The following ZNHIT2 variants were observed in gnomAD, a reference collection of about 807,000 sequenced individuals.
ZNHIT2 encodes the protein zinc finger HIT-type containing 2.
In ZNHIT2, 16 loss-of-function variants were observed where a neutral mutation model predicts 18.0. The observed-to-expected ratio is 0.89, with a 90% CI of 0.60 to 1.35. The LOEUF is 1.35. ZNHIT2 is among the 40% of genes most tolerant of loss of function. The probability of loss-of-function intolerance (pLI) is 0.00; values close to 1 mark genes in which losing one functional copy is unlikely to be tolerated. For missense variants in ZNHIT2, 631 were observed against 566.4 expected (o/e 1.11, Z -1.16); for synonymous variants, 336 against 269.8 (o/e 1.25, Z -2.41).
chr11:65,116,941 G>C lies in ZNHIT2; in HGVS notation c.713C>G (p.Ser238Cys), dbSNP rs748202735. ...LYHGGDDALL[S>C]DFCATLLGVS... is the part of the protein sequence containing the mutation. Reference sequence around the variant, plus strand: ...GCCGAGCAGTGTGGCACAGAAGTCAGAGAGCAGCGCGTCGTCACCGCCGTG... The same window carrying C: ...GCCGAGCAGTGTGGCACAGAAGTCACAGAGCAGCGCGTCGTCACCGCCGTG... The change falls in exon 1 of 1, where the codon TCT becomes TGT. Residue 238 changes from serine (S) to cysteine (C), a missense_variant. Coordinates refer to ENST00000310597, the MANE Select transcript of ZNHIT2 (RefSeq NM_014205.4). 4.4e-6 allele frequency: 7 copies of C among 1,597,674 alleles called. No individual in the cohort carries two copies. Among genetic ancestry groups the C allele is most frequent in the African/African-American group, 1.3e-5 (1 of 74,778 alleles).
rs1948008130 is a variant in ZNHIT2, at chr11:65,117,571, G to A, written c.83C>T (p.Pro28Leu). 1 of 1,580,104 alleles carries A rather than the reference G, an allele frequency of 6.3e-7. No individual in the cohort carries two copies. Among genetic ancestry groups the A allele is most frequent in the Non-Finnish European group, 8.5e-7 (1 of 1,171,082 alleles). The change falls in exon 1 of 1, where the codon CCC (proline) becomes CTC (leucine). Residue 28 changes from proline to leucine, a missense_variant. Transcript: ENST00000310597. ...ARYTCPRCNAPYCSLRCYRTH... is the reference protein window; with the variant it reads ...ARYTCPRCNALYCSLRCYRTH... Reference sequence around the variant, plus strand: ...CCGGTAGCAGCGCAGCGAGCAGTAGGGCGCATTACAGCGAGGGCAGGTGTA... The same window carrying A: ...CCGGTAGCAGCGCAGCGAGCAGTAGAGCGCATTACAGCGAGGGCAGGTGTA...
chr11:65,117,363 T>A lies in ZNHIT2; in HGVS notation c.291A>T (p.Gly97=). ...CGCCCGGCGCCAGCCGCTCCCAGAG[T>A]CCCGATAGGCCGCCGGGCGCCGGGC... is the stretch of plus-strand genomic sequence containing the variant. ...SSGPAPGGLS[G]LWERLAPGEK... Residue 97 remains glycine (G), a synonymous_variant, in exon 1 of 1, where the codon GGA becomes GGT. Transcript: ENST00000310597. 6.6e-7 allele frequency: 1 copy of A among 1,508,726 alleles called. No homozygotes were observed. Among genetic ancestry groups the A allele is most frequent in the Non-Finnish European group, 8.8e-7 (1 of 1,138,216 alleles). The allele number at this position is 1,508,726 out of a possible 1,614,324, so 93.5% of individuals were successfully genotyped here. A position where few individuals can be genotyped will look rare whatever the true frequency, so the allele number is the denominator to read the frequency against.
At position 65,116,410 on chromosome 11, in the gene ZNHIT2, T is replaced by C; in HGVS notation, c.*32A>G. On this transcript the variant is annotated 3_prime_UTR_variant, in exon 1 of 1. Coordinates refer to ENST00000310597, the MANE Select transcript of ZNHIT2 (RefSeq NM_014205.4). ...AGAAACAAGCAACAGGGCTGACCAG[T>C]CACAGCTTTATTAATGACCAGGGTA... The C allele has an allele frequency of 2.0e-6, 3 of 1,508,566 alleles. No individual in the cohort carries two copies. Among genetic ancestry groups the C allele is most frequent in the Non-Finnish European group, 2.7e-6 (3 of 1,128,050 alleles). The allele number at this position is 1,508,566 out of a possible 1,614,324, so 93.4% of individuals were successfully genotyped here. A position where few individuals can be genotyped will look rare whatever the true frequency, so the allele number is the denominator to read the frequency against.
rs35178303 is a variant in ZNHIT2 at position 65,117,148 on chromosome 11, G to A, written c.506C>T (p.Ala169Val). ...GGCGGCCGCGGGCTCCGCGGCGGAGGCATCTTTCACAGAATCCGGCGGGGT... is the reference window on the plus strand; with the variant it reads ...GGCGGCCGCGGGCTCCGCGGCGGAGACATCTTTCACAGAATCCGGCGGGGT... ...ARTPPDSVKD[A>V]SAAEPAAAER... Residue 169 changes from alanine (A) to valine (V), a missense_variant, in exon 1 of 1, where the codon GCC (alanine) becomes GTC (valine). Physicochemically the swap from Ala to Val is moderately conservative, Grantham distance 64. Coordinates refer to ENST00000310597, the MANE Select transcript of ZNHIT2 (RefSeq NM_014205.4). 3.8e-6 allele frequency: 6 copies of A among 1,577,296 alleles called. No homozygotes were observed. Among genetic ancestry groups the A allele is most frequent in the Non-Finnish European group, 5.1e-6 (6 of 1,165,762 alleles).
Position 65,117,660 on chromosome 11 carries a change from T to C in ZNHIT2, c.-7A>G, listed in dbSNP as rs925573513. The C allele has an allele frequency of 3.6e-6, 5 of 1,376,384 alleles. No individual in the cohort carries two copies. Among genetic ancestry groups the C allele is most frequent in the South Asian group, 1.6e-5 (1 of 61,086 alleles). 85.3% of individuals were successfully genotyped at this position (1,376,384 alleles called of 1,614,324 possible). Reference sequence around the variant, plus strand: ...AGGGCCCGGCCGGCTCCATGGCAACTGGCACCGCGATCTACCTGCGAACGC... The same window carrying C: ...AGGGCCCGGCCGGCTCCATGGCAACCGGCACCGCGATCTACCTGCGAACGC... On this transcript the variant is annotated 5_prime_UTR_variant, in exon 1 of 1. Transcript: ENST00000310597.
Position 65,116,488 on chromosome 11 carries a change from G to A in ZNHIT2, c.1166C>T (p.Pro389Leu). Residue 389 changes from proline (P) to leucine (L), a missense_variant, in exon 1 of 1, where the codon CCC becomes CTC. By Grantham distance (98) the Pro-to-Leu change is moderately conservative. Transcript: ENST00000310597. ...TGELERLWGG[P>L]VPPAPRTLIE... The stretch of plus-strand genomic sequence containing the variant: ...GAGAGTTCTTGGGGCAGGTGGCACG[G>A]GGCCTCCCCAAAGCCGCTCCAGCTC... 1 of 1,519,130 alleles carries A rather than the reference G, an allele frequency of 6.6e-7. No individual in the cohort carries two copies. Among genetic ancestry groups the A allele is most frequent in the African/African-American group, 1.4e-5 (1 of 71,994 alleles). The allele number at this position is 1,519,130 out of a possible 1,614,324, so 94.1% of individuals were successfully genotyped here. A position where few individuals can be genotyped will look rare whatever the true frequency, so the allele number is the denominator to read the frequency against.
chr11:65,117,439 CGCAGCCGGCGTAGGGCGCTTG>C lies in ZNHIT2; in HGVS notation c.194_214del (p.Ala65_Arg72delinsGly). 6.6e-7 allele frequency: 1 copy of C among 1,507,900 alleles called. No individual in the cohort carries two copies. The highest frequency in any genetic ancestry group is 1.2e-5 in the South Asian group (1 of 80,140). The allele number at this position is 1,507,900 out of a possible 1,614,324, so 93.4% of individuals were successfully genotyped here. ...CTCGTCCTCGGTCTCGCGTTGCTGA[CGCAGCCGGCGTAGGGCGCTTG>C]CTAGGCGGCTGGGAGGAGCGCTGCA... On this transcript the variant is annotated inframe_deletion, in exon 1 of 1. Coordinates refer to ENST00000310597, the MANE Select transcript of ZNHIT2 (RefSeq NM_014205.4).
chr11:65,117,523 T>C lies in ZNHIT2; in HGVS notation c.131A>G (p.Asn44Ser), dbSNP rs770261958. 2.5e-6 allele frequency: 4 copies of C among 1,591,234 alleles called. No homozygotes were observed. The African/African-American group carries it at 5.4e-5, about 21-fold the overall frequency. Residue 44 changes from asparagine to serine, a missense_variant, in exon 1 of 1, where the codon AAC (asparagine) becomes AGC (serine). Asn to Ser is a conservative substitution (Grantham distance 46). Coordinates refer to ENST00000310597, the MANE Select transcript of ZNHIT2 (RefSeq NM_014205.4). The stretch of plus-strand genomic sequence containing the variant: ...TCCCAGCACCTGGTCACGGTAGAAG[T>C]TTTCTGCGCAGGTGCCATGCGTCCG... ...CYRTHGTCAE[N>S]FYRDQVLGEL...
At position 65,116,866 on chromosome 11, in the gene ZNHIT2, G is replaced by A. The variant is rs774480766; in HGVS notation, c.788C>T (p.Ala263Val). ...CAGCACGTGGGCTGCCGCCTGCAGG[G>A]CTTCTTCCGCAGAGGCGAAGACTTG... Reference protein sequence around the residue: ...AQQVFASAEEALQAAAHVLEA... With the variant: ...AQQVFASAEEVLQAAAHVLEA... Residue 263 changes from alanine to valine, a missense_variant, in exon 1 of 1, where the codon GCC becomes GTC. Transcript: ENST00000310597. 3.7e-6 allele frequency: 6 copies of A among 1,604,060 alleles called. No homozygotes were observed. Among genetic ancestry groups the A allele is most frequent in the Non-Finnish European group, 4.2e-6 (5 of 1,178,660 alleles).
Position 65,116,745 on chromosome 11 carries a change from T to G in ZNHIT2, c.909A>C (p.Lys303Asn). The change falls in exon 1 of 1, where the codon AAA becomes AAC. Residue 303 changes from lysine (K) to asparagine (N), a missense_variant. Coordinates refer to ENST00000310597, the MANE Select transcript of ZNHIT2 (RefSeq NM_014205.4). ...ILLGEGPTNQ[K>N]GYTLAALGDL... ...CCCCCAGTGCTGCCAGCGTGTAGCCTTTCTGGTTGGTCGGGCCCTCGCCCA... is the reference window on the plus strand; with the variant it reads ...CCCCCAGTGCTGCCAGCGTGTAGCCGTTCTGGTTGGTCGGGCCCTCGCCCA... The G allele has an allele frequency of 6.2e-7, 1 of 1,610,956 alleles. No individual in the cohort carries two copies. The highest frequency in any genetic ancestry group is 8.5e-7 in the Non-Finnish European group (1 of 1,177,860).
In ZNHIT2 at chr11:65,117,269, A is replaced by G. The variant is rs1222233882; in HGVS notation, c.385T>C (p.Trp129Arg). 3 of 1,491,560 alleles carry G rather than the reference A, an allele frequency of 2.0e-6. No individual in the cohort carries two copies. Among genetic ancestry groups the G allele is most frequent in the Non-Finnish European group, 1.8e-6 (2 of 1,130,448 alleles). 92.4% of individuals were successfully genotyped at this position (1,491,560 alleles called of 1,614,324 possible). The change falls in exon 1 of 1, where the codon TGG becomes CGG. Residue 129 changes from tryptophan to arginine, a missense_variant. Coordinates refer to ENST00000310597, the MANE Select transcript of ZNHIT2 (RefSeq NM_014205.4). The stretch of plus-strand genomic sequence containing the variant: ...GGTCCGGCTCCGCGGTTCCACCACC[A>G]CGGCCGCCATGGAGGCAGCAGCCGC... ...AGRLLPPWRPWWWNRGAGPQL... is the reference protein window; with the variant it reads ...AGRLLPPWRPRWWNRGAGPQL...
At position 65,116,849 on chromosome 11, in the gene ZNHIT2, G is replaced by A. The variant is rs746173988; in HGVS notation, c.805C>T (p.His269Tyr). The stretch of plus-strand genomic sequence containing the variant: ...GGGTGCTCGCCTGCTTCCAGCACGT[G>A]GGCTGCCGCCTGCAGGGCTTCTTCC... Reference protein sequence around the residue: ...SAEEALQAAAHVLEAGEHPPG... With the variant: ...SAEEALQAAAYVLEAGEHPPG... Residue 269 changes from histidine (H) to tyrosine (Y), a missense_variant, in exon 1 of 1, where the codon CAC (histidine) becomes TAC (tyrosine). Physicochemically the swap from His to Tyr is moderately conservative, Grantham distance 83 (BLOSUM62 2). Transcript: ENST00000310597. 9 of 1,606,738 alleles carry A rather than the reference G, an allele frequency of 5.6e-6. No homozygotes were observed. The highest frequency in any genetic ancestry group is 7.6e-6 in the Non-Finnish European group (9 of 1,178,862).
In ZNHIT2 at chr11:65,117,128, C is replaced by A; in HGVS notation, c.526G>T (p.Ala176Ser). ...VKDASAAEPAAAERVLGDVPG... is the reference protein window; with the variant it reads ...VKDASAAEPASAERVLGDVPG... ...ACATCTCCAAGAACCCGCTCGGCGG[C>A]CGCGGGCTCCGCGGCGGAGGCATCT... is the stretch of plus-strand genomic sequence containing the variant. The change falls in exon 1 of 1, where the codon GCC becomes TCC. Residue 176 changes from alanine (A) to serine (S), a missense_variant. Ala to Ser is a moderately conservative substitution (Grantham distance 99). Coordinates refer to ENST00000310597, the MANE Select transcript of ZNHIT2 (RefSeq NM_014205.4). 1 of 1,579,654 alleles carries A rather than the reference C, an allele frequency of 6.3e-7. No homozygotes were observed. Among genetic ancestry groups the A allele is most frequent in the East Asian group, 2.3e-5 (1 of 44,332 alleles).
At position 65,116,999 on chromosome 11, in the gene ZNHIT2, G is replaced by A. The variant is rs1947997452; in HGVS notation, c.655C>T (p.Leu219=). 6 of 1,601,894 alleles carry A rather than the reference G, an allele frequency of 3.7e-6. No individual in the cohort carries two copies. Among genetic ancestry groups the A allele is most frequent in the Admixed American group, 1.7e-5 (1 of 59,102 alleles). The change falls in exon 1 of 1, where the codon CTG becomes TTG. Residue 219 remains leucine, a synonymous_variant. Transcript: ENST00000310597. The part of the protein sequence containing the change: ...PLVRFQLPNV[L]FAYAHTLALY... ...GCGAGAGTATGCGCGTAGGCGAACA[G>A]CACATTGGGCAGCTGGAAGCGCACG...
chr11:65,116,728 G>A lies in ZNHIT2; in HGVS notation c.926C>T (p.Ala309Val). 2 of 1,612,756 alleles carry A rather than the reference G, an allele frequency of 1.2e-6. No homozygotes were observed. Among genetic ancestry groups the A allele is most frequent in the South Asian group, 1.1e-5 (1 of 91,060 alleles). Residue 309 changes from alanine to valine, a missense_variant, in exon 1 of 1, where the codon GCA (alanine) becomes GTA (valine). By Grantham distance (64) the Ala-to-Val change is moderately conservative. Coordinates refer to ENST00000310597, the MANE Select transcript of ZNHIT2 (RefSeq NM_014205.4). Reference sequence around the variant, plus strand: ...CAGGGTCTGTGCCAGGTCCCCCAGTGCTGCCAGCGTGTAGCCTTTCTGGTT... The same window carrying A: ...CAGGGTCTGTGCCAGGTCCCCCAGTACTGCCAGCGTGTAGCCTTTCTGGTT... Reference protein sequence around the residue: ...PTNQKGYTLAALGDLAQTLGR... With the variant: ...PTNQKGYTLAVLGDLAQTLGR...
At position 65,116,798 on chromosome 11, in the gene ZNHIT2, C is replaced by T. The variant is rs368917929; in HGVS notation, c.856G>A (p.Ala286Thr). Residue 286 changes from alanine (A) to threonine (T), a missense_variant, in exon 1 of 1, where the codon GCT becomes ACT. Physicochemically the swap from Ala to Thr is moderately conservative, Grantham distance 58. Transcript: ENST00000310597. The stretch of plus-strand genomic sequence containing the variant: ...AGGATGCGGGCGACCTCGTGCATAG[C>T]CCCTCGTGTGCCCAGGGGCCCCGGC... Reference protein sequence around the residue: ...HPPGPLGTRGAMHEVARILLG... With the variant: ...HPPGPLGTRGTMHEVARILLG... 1.1e-5 allele frequency: 17 copies of T among 1,609,502 alleles called. No individual in the cohort carries two copies. In the East Asian group the frequency reaches 2.2e-4, roughly 21 times the overall value.
rs1418813757 is a variant in ZNHIT2 at position 65,116,416 on chromosome 11, C to T, written c.*26G>A. 1.6e-5 allele frequency: 24 copies of T among 1,509,576 alleles called. No homozygotes were observed. The South Asian group carries it at 3.2e-4, about 20-fold the overall frequency. The allele number at this position is 1,509,576 out of a possible 1,614,324, so 93.5% of individuals were successfully genotyped here. A position where few individuals can be genotyped will look rare whatever the true frequency, so the allele number is the denominator to read the frequency against. On this transcript the variant is annotated 3_prime_UTR_variant, in exon 1 of 1. Transcript: ENST00000310597. ...AAGCAACAGGGCTGACCAGTCACAGCTTTATTAATGACCAGGGTAACCCGT... is the reference window on the plus strand; with the variant it reads ...AAGCAACAGGGCTGACCAGTCACAGTTTTATTAATGACCAGGGTAACCCGT...
rs766332238 is a variant in ZNHIT2 at position 65,117,209 on chromosome 11, T to C, written c.445A>G (p.Ser149Gly). 1.3e-6 allele frequency: 2 copies of C among 1,535,728 alleles called. No individual in the cohort carries two copies. Among genetic ancestry groups the C allele is most frequent in the East Asian group, 2.3e-5 (1 of 43,984 alleles). Residue 149 changes from serine (S) to glycine (G), a missense_variant, in exon 1 of 1, where the codon AGT becomes GGT. Physicochemically the swap from Ser to Gly is moderately conservative, Grantham distance 56. Transcript: ENST00000310597. Reference sequence around the variant, plus strand: ...GCGAGCTCCAGCTCCGCGGCGTCACTACCCGGGGCATTATCCAGCTCCTCC... The same window carrying C: ...GCGAGCTCCAGCTCCGCGGCGTCACCACCCGGGGCATTATCCAGCTCCTCC... ...LLEELDNAPG[S>G]DAAELELAPA... is the part of the protein sequence containing the mutation.
In ZNHIT2 at chr11:65,117,338, C is replaced by A; in HGVS notation, c.316G>T (p.Glu106Ter). ...AGCAGCCGCTCGAAGGCAGCTTTTT[C>A]GCCCGGCGCCAGCCGCTCCCAGAGT... The part of the protein sequence containing the change: ...SGLWERLAPG[E>*]KAAFERLLSR... Residue 106 changes from glutamate to a stop codon, truncating the protein, a stop_gained, in exon 1 of 1, where the codon GAA (glutamate) becomes TAA (stop). Transcript: ENST00000310597. LOFTEE classifies it high-confidence loss of function. 1 of 1,500,634 alleles carries A rather than the reference C, an allele frequency of 6.7e-7. No individual in the cohort carries two copies. Among genetic ancestry groups the A allele is most frequent in the Non-Finnish European group, 8.8e-7 (1 of 1,137,220 alleles). 93.0% of individuals were successfully genotyped at this position (1,500,634 alleles called of 1,614,324 possible).
Sources: allele counts gnomAD v4.1 joint callset, GRCh38; gene constraint gnomAD v4.1.1; transcripts MANE v1.5; gene names NCBI Gene and HGNC (gene_info 2026-07-23, HGNC 2026-07-21).